Variants in CADM2 observed in about 807,000 individuals in gnomAD.
The protein encoded by CADM2 is immunoglobulin superfamily member 4D.
CADM2 carries 12 observed loss-of-function variants against 49.8 expected under a neutral mutation model. The ratio of observed to expected loss-of-function variants is 0.24; its 90% CI spans 0.15 to 0.39. CADM2 has a LOEUF of 0.39. CADM2 is among the 10% of genes least tolerant of loss of function. CADM2 has a pLI of 1.00. For missense variants in CADM2, 378 were observed against 492.3 expected (o/e 0.77, Z 2.20); for synonymous variants, 214 against 175.4 (o/e 1.22, Z -1.74).
chr3:85,329,637 A>T, intron 1 of CADM2, among the ~76,000 whole-genome samples: 1 of 152,136 alleles, frequency 6.6e-6, no homozygotes, highest in East Asian at 1.9e-4. Context: ...CATATTTATT[A>T]TCCTAAAATT....
In CADM2 at chr3:86,013,902, A is replaced by G. The variant is rs1437260972; in HGVS notation, c.971-51703A>G. On this transcript the variant is annotated intron_variant, in intron 8 of 9. Coordinates refer to ENST00000383699, the MANE Select transcript of CADM2 (RefSeq NM_001167675.2). ...ACTTTTAGAAAAATATCCCCAAGCT[A>G]TCTACACACTCTGAACTTCCTGTGC... 12 of 1,594,700 alleles carry G rather than the reference A, an allele frequency of 7.5e-6. No individual in the cohort carries two copies. The East Asian group carries it at 2.2e-4, about 30-fold the overall frequency.
intron 8 of CADM2, among the ~76,000 whole-genome samples, chr3:86,055,154 C>A (rs1486496431): frequency 6.6e-6 from 1 of 152,116 alleles, no homozygotes; most frequent in Non-Finnish European, 1.5e-5. Context: ...GGATGTCTAA[C>A]CTTATGAAGC....
At chr3:85,025,132 C>T (rs1469974341) in intron 1 of CADM2, among the ~76,000 whole-genome samples, 1 of 152,072 alleles carries the variant, frequency 6.6e-6, no homozygotes, top group Non-Finnish European at 1.5e-5. Flanking sequence ...TTCATCTTTT[C>T]AAACTACAGA....
chr3:85,318,295 A>G (rs1465449286), intron 1 of CADM2, among the ~76,000 whole-genome samples: 1 of 152,164 alleles, frequency 6.6e-6, no homozygotes, highest in Non-Finnish European at 1.5e-5. Context: ...GAAGCAGTAC[A>G]ACCTAGACCT....
At chr3:85,125,578 T>G (rs1188555793) in intron 1 of CADM2, among the ~76,000 whole-genome samples, 1 of 152,146 alleles carries the variant, frequency 6.6e-6, no homozygotes, top group African/African-American at 2.4e-5. Context: ...CACGCTGGTC[T>G]GGAAATCCTG....
chr3:85,448,373 C>T (rs2107560943), intron 1 of CADM2, among the ~76,000 whole-genome samples: 1 of 151,302 alleles, frequency 6.6e-6, no homozygotes, highest in African/African-American at 2.4e-5. Flanking sequence ...AAATATATCT[C>T]ACTCCATTTT....
rs1423065822 is a variant in CADM2, at chr3:85,132,657, C to T, written c.61+172989C>T. Among the ~76,000 whole-genome samples the T allele has an allele frequency of 3.3e-5, 5 of 150,654 alleles. No individual in the cohort carries two copies. In the East Asian group the frequency reaches 5.9e-4, roughly 18 times the overall value. Reference sequence around the variant, plus strand: ...ATATATATATATTTAGTCATTAGACCCTCTCAGTAATTACAAAGATTCAAT... The same window carrying T: ...ATATATATATATTTAGTCATTAGACTCTCTCAGTAATTACAAAGATTCAAT... On this transcript the variant is annotated intron_variant, in intron 1 of 9. Coordinates refer to ENST00000383699, the MANE Select transcript of CADM2 (RefSeq NM_001167675.2).
At chr3:85,231,190 T>G (rs1026020671) in intron 1 of CADM2, among the ~76,000 whole-genome samples, 1 of 152,142 alleles carries the variant, frequency 6.6e-6, no homozygotes, top group Non-Finnish European at 1.5e-5. Context: ...TATCTACAAA[T>G]AGTCATATTC....
intron 2 of CADM2, among the ~76,000 whole-genome samples, chr3:85,766,113 A>G (rs1053507319): frequency 5.3e-5 from 8 of 152,154 alleles, no homozygotes; most frequent in Admixed American, 2.0e-4. Context: ...GAGGAAGTAC[A>G]TAGAAGAGAG....
At chr3:85,385,184 C>T (rs552253867) in intron 1 of CADM2, among the ~76,000 whole-genome samples, 51 of 152,288 alleles carry the variant, frequency 3.3e-4, no homozygotes, top group Admixed American at 1.2e-3. Context: ...ATCCACCTGC[C>T]TCAGCCTCCC....
chr3:85,483,625 A>G (rs2039302366), intron 1 of CADM2, among the ~76,000 whole-genome samples: 1 of 150,406 alleles, frequency 6.6e-6, no homozygotes, highest in South Asian at 2.1e-4. Flanking sequence ...TGAGTATAGT[A>G]TTTATGTAGT....
chr3:85,864,901 TC>T (rs1033443319), intron 3 of CADM2, among the ~76,000 whole-genome samples: 3 of 152,204 alleles, frequency 2.0e-5, no homozygotes, highest in African/African-American at 4.8e-5. Flanking sequence ...TCCTTTTTAT[TC>T]CAACTCTCAC....
chr3:85,327,591 A>C (rs202198446), intron 1 of CADM2, among the ~76,000 whole-genome samples: 2,573 of 127,188 alleles, frequency 0.02, 33 homozygotes, highest in African/African-American at 0.048. Flanking sequence ...CACACACACC[A>C]CACACACACA....
chr3:85,994,328 A>C (rs1194278187), intron 8 of CADM2: 1 of 152,122 alleles, frequency 6.6e-6, no homozygotes, highest in East Asian at 1.9e-4. Context: ...TTCAATCTTC[A>C]CAGAATTGAA....
At chr3:85,257,071 T>A (rs759254820) in intron 1 of CADM2, among the ~76,000 whole-genome samples, 3 of 152,140 alleles carry the variant, frequency 2.0e-5, no homozygotes, top group Non-Finnish European at 4.4e-5. Context: ...TATTTTATGA[T>A]AAGAAAATTG....
intron 1 of CADM2, among the ~76,000 whole-genome samples, chr3:85,107,818 G>A (rs1432028845): frequency 6.7e-6 from 1 of 149,594 alleles, no homozygotes; most frequent in Non-Finnish European, 1.5e-5. Flanking sequence ...TCCTGCCTCA[G>A]CCTCCCTAGT....
At chr3:85,082,095 C>G (rs903924046) in intron 1 of CADM2, among the ~76,000 whole-genome samples, 1 of 152,100 alleles carries the variant, frequency 6.6e-6, no homozygotes, top group Non-Finnish European at 1.5e-5. Flanking sequence ...TATTAGCTCA[C>G]GTATGCTCAA....
chr3:85,085,817 A>G (rs917555885), intron 1 of CADM2, among the ~76,000 whole-genome samples: 3 of 152,164 alleles, frequency 2.0e-5, no homozygotes, highest in Non-Finnish European at 4.4e-5. Flanking sequence ...AAACTATATC[A>G]TTCTAATTCT....
chr3:85,956,543 G>T (rs917789482), intron 7 of CADM2, among the ~76,000 whole-genome samples: 4 of 151,474 alleles, frequency 2.6e-5, no homozygotes, highest in Non-Finnish European at 5.9e-5. Context: ...TTATCACAGA[G>T]ACTAGGATCA....
Sources: allele counts gnomAD v4.1 joint callset (sites outside exome capture counted in the v4.1 genomes callset), GRCh38; gene constraint gnomAD v4.1.1; transcripts MANE v1.5; gene names NCBI Gene and HGNC (gene_info 2026-07-23, HGNC 2026-07-21).